SLC19A2: variants seen among roughly 807,000 people sequenced by gnomAD.
The protein encoded by SLC19A2 is solute carrier family 19 member 2, also known as thiamine transporter 1.
A neutral mutation model predicts 44.7 loss-of-function variants in SLC19A2; 27 were observed. The observed-to-expected ratio is 0.60, with a 90% confidence interval of 0.45 to 0.83. The LOEUF is 0.83. SLC19A2 is among the 40% of genes least tolerant of loss of function. The pLI is 0.00. For missense variants in SLC19A2, 566 were observed against 613.7 expected (o/e 0.92, Z 0.82); for synonymous variants, 239 against 243.6 (o/e 0.98, Z 0.18).
chr1:169,467,042 C>G (rs1658010749), intron 5 of SLC19A2, among the ~76,000 whole-genome samples: 1 of 152,110 alleles, frequency 6.6e-6, no homozygotes, highest in African/African-American at 2.4e-5. Flanking sequence ...CCATAAAATC[C>G]TATTATTCCA....
chr1:169,468,562 T>G, intron 4 of SLC19A2, 82 bp downstream of exon 4: 1 of 1,157,726 alleles, frequency 8.6e-7, no homozygotes, highest in Non-Finnish European at 1.3e-6. Context: ...ACTAGAAACT[T>G]GAATATTTTG....
chr1:169,485,645 C>T lies in SLC19A2; in HGVS notation c.122G>A (p.Gly41Asp). The part of the protein sequence containing the change: ...FLPTALLCAY[G>D]FFASLRPSEP... ...GGACGGCCTGAGGCTGGCGAAGAAG[C>T]CGTAGGCGCAGAGCAGCGCGGTCGG... The change falls in exon 1 of 6, where the codon GGC (glycine) becomes GAC (aspartate). Residue 41 changes from glycine (G) to aspartate (D), a missense_variant. Transcript: ENST00000236137. 6.4e-7 allele frequency: 1 copy of T among 1,558,240 alleles called. No individual in the cohort carries two copies. Among genetic ancestry groups the T allele is most frequent in the Non-Finnish European group, 8.7e-7 (1 of 1,151,468 alleles).
intron 2 of SLC19A2, 37 bp from the exon 3 acceptor site, chr1:169,470,223 G>A: frequency 6.3e-7 from 1 of 1,576,144 alleles, no homozygotes; most frequent in Non-Finnish European, 8.7e-7. Flanking sequence ...AAACTCTGAT[G>A]AAGGCAATTA....
At chr1:169,470,516 A>C (rs562755601) in intron 2 of SLC19A2, among the ~76,000 whole-genome samples, 15 of 152,258 alleles carry the variant, frequency 9.9e-5, no homozygotes, top group Non-Finnish European at 8.8e-5. Context: ...ACTGGCAAAC[A>C]ACATAACAAG....
At chr1:169,485,207 T>C (rs1658526045) in intron 1 of SLC19A2, among the ~76,000 whole-genome samples, 1 of 152,238 alleles carries the variant, frequency 6.6e-6, no homozygotes, top group African/African-American at 2.4e-5. Flanking sequence ...AAGTACACTT[T>C]GCTGTTTTCA....
chr1:169,481,896 A>C (rs1264528581), intron 1 of SLC19A2, among the ~76,000 whole-genome samples: 1 of 152,196 alleles, frequency 6.6e-6, no homozygotes, highest in African/African-American at 2.4e-5. Context: ...ACCAGCACGG[A>C]GGTGACAAAA....
chr1:169,478,602 G>A (rs1449371164), intron 1 of SLC19A2, among the ~76,000 whole-genome samples: 1 of 145,116 alleles, frequency 6.9e-6, no homozygotes, highest in Admixed American at 7.0e-5. Flanking sequence ...CAAACTCCTG[G>A]GCTCAAAGCA....
chr1:169,470,526 G>T (rs1021035057), intron 2 of SLC19A2, among the ~76,000 whole-genome samples: 4 of 151,916 alleles, frequency 2.6e-5, no homozygotes, highest in Non-Finnish European at 5.9e-5. Context: ...AACATAACAA[G>T]AATAATAATA....
chr1:169,485,360 CT>C (rs1658531953), intron 1 of SLC19A2, among the ~76,000 whole-genome samples: 1 of 152,232 alleles, frequency 6.6e-6, no homozygotes, highest in South Asian at 2.1e-4. Flanking sequence ...GTTCTGAGCC[CT>C]TCGCAGGAGA....
Position 169,485,939 on chromosome 1 carries a change from GC to G in SLC19A2, c.-174del. On this transcript the variant is annotated 5_prime_UTR_variant, in exon 1 of 6. Transcript: ENST00000236137. ...GAACCCCCAGCTTTACCCTACAGAC[GC>G]CTCTAGGGTCGCTGCCTGATCGCCC... The G allele has an allele frequency of 2.6e-6, 2 of 764,032 alleles. No individual in the cohort carries two copies. The highest frequency in any genetic ancestry group is 3.7e-5 in the South Asian group (2 of 53,698). 47.3% of individuals were successfully genotyped at this position (764,032 alleles called of 1,614,324 possible). A position where few individuals can be genotyped will look rare whatever the true frequency, so the allele number is the denominator to read the frequency against.
rs776903674 is a variant in SLC19A2 at position 169,477,532 on chromosome 1, A to T, written c.430T>A (p.Tyr144Asn). The change falls in exon 2 of 6, where the codon TAT (tyrosine) becomes AAT (asparagine). Residue 144 changes from tyrosine (Y) to asparagine (N), a missense_variant. Transcript: ENST00000236137. ...ATATEIAYYS[Y>N]IYSVVDLGMY... The stretch of plus-strand genomic sequence containing the variant: ...CCCAGGTCCACCACACTGTAGATAT[A>T]AGAGTAATAGGCAATTTCAGTGGCT... 6.2e-7 allele frequency: 1 copy of T among 1,614,204 alleles called. No individual in the cohort carries two copies. Among genetic ancestry groups the T allele is most frequent in the Non-Finnish European group, 8.5e-7 (1 of 1,180,036 alleles).
At chr1:169,474,278 T>C (rs1367513746) in intron 2 of SLC19A2, 1 of 152,204 alleles carries the variant, frequency 6.6e-6, no homozygotes, top group Non-Finnish European at 1.5e-5. Context: ...CACTTACTAG[T>C]AGTAAAAGAT....
At chr1:169,482,126 G>C (rs887397205) in intron 1 of SLC19A2, among the ~76,000 whole-genome samples, 3 of 151,956 alleles carry the variant, frequency 2.0e-5, no homozygotes, top group African/African-American at 7.3e-5. Flanking sequence ...ACTTGAATCT[G>C]GGAGGCAGAG....
intron 2 of SLC19A2, among the ~76,000 whole-genome samples, chr1:169,475,388 C>T (rs1408125429): frequency 4.0e-5 from 6 of 151,898 alleles, no homozygotes; most frequent in Non-Finnish European, 8.8e-5. Context: ...TACAGGTTTT[C>T]TATGTAAAAT....
rs1025140585 is a variant in SLC19A2, at chr1:169,469,996, T to C, written c.998A>G (p.Asn333Ser). 5.0e-6 allele frequency: 8 copies of C among 1,613,872 alleles called. No individual in the cohort carries two copies. Among genetic ancestry groups the C allele is most frequent in the African/African-American group, 1.3e-5 (1 of 74,990 alleles). ...GGTTGAAACGGCCTCCACGCCACCA[T>C]TATAGATAGCAGCATAGCGAGAAGG... is the stretch of plus-strand genomic sequence containing the variant. ...VMPSRYAAIY[N>S]GGVEAVSTLL... is the part of the protein sequence containing the mutation. Residue 333 changes from asparagine to serine, a missense_variant, in exon 3 of 6, where the codon AAT becomes AGT. By Grantham distance (46) the Asn-to-Ser change is conservative. Coordinates refer to ENST00000236137, the MANE Select transcript of SLC19A2 (RefSeq NM_006996.3).
At chr1:169,479,623 T>A (rs1423373059) in intron 1 of SLC19A2, among the ~76,000 whole-genome samples, 2 of 152,246 alleles carry the variant, frequency 1.3e-5, no homozygotes, top group Non-Finnish European at 2.9e-5. Context: ...GACAAGGACA[T>A]CTGGGGCAGT....
rs1657940844 is a variant in SLC19A2, at chr1:169,464,449, G to T, written c.*1400C>A. ...CTTATCCCCATCCATTTGCTTCTAG[G>T]ATTCCTGCTTAAACCAAATGAGTAT... On this transcript the variant is annotated 3_prime_UTR_variant, in exon 6 of 6. Transcript: ENST00000236137. The T allele has an allele frequency of 6.6e-6, 1 of 152,032 alleles. No homozygotes were observed. The highest frequency in any genetic ancestry group is 6.6e-5 in the Admixed American group (1 of 15,256). 9.4% of individuals were successfully genotyped at this position (152,032 alleles called of 1,614,324 possible).
chr1:169,482,852 G>A (rs17518769), intron 1 of SLC19A2, among the ~76,000 whole-genome samples: 19,907 of 152,030 alleles, frequency 0.13, 1,812 homozygotes, highest in African/African-American at 0.26. Context: ...GTTTGTAGTA[G>A]GATATAAGGC....
At chr1:169,475,572 C>G (rs1658285950) in intron 2 of SLC19A2, among the ~76,000 whole-genome samples, 1 of 152,050 alleles carries the variant, frequency 6.6e-6, no homozygotes, top group Non-Finnish European at 1.5e-5. Context: ...AAAGAAGTGT[C>G]TTTATTTTTT....
Sources: allele counts gnomAD v4.1 joint callset (sites outside exome capture counted in the v4.1 genomes callset), GRCh38; gene constraint gnomAD v4.1.1; transcripts MANE v1.5; gene names NCBI Gene and HGNC (gene_info 2026-07-23, HGNC 2026-07-21).